Variants in RYR3 observed in about 807,000 individuals in gnomAD.
RYR3 encodes the protein brain ryanodine receptor-calcium release channel.
In RYR3, 207 loss-of-function variants were observed where a neutral mutation model predicts 584.3. The ratio of observed to expected loss-of-function variants is 0.35; its 90% CI spans 0.32 to 0.40. The LOEUF (loss-of-function observed/expected upper bound fraction) is 0.40, where lower values mean the gene tolerates loss of function less well. Ranked by LOEUF, RYR3 falls within the 10% of genes least tolerant of loss-of-function variation. The pLI is 1.00. For missense variants in RYR3, 5,616 were observed against 6,089.2 expected, an observed-to-expected ratio of 0.92 and a Z score of 2.59; for synonymous variants, 2,416 against 2,248.5, an observed-to-expected ratio of 1.07 and a Z score of -2.11.
intron 1 of RYR3, among the ~76,000 whole-genome samples, chr15:33,418,903 A>T (rs1040238850): frequency 2.0e-5 from 3 of 152,158 alleles, no homozygotes; most frequent in African/African-American, 2.4e-5. Flanking sequence ...TTAAGGAATT[A>T]GTGGAAGCAA....
At chr15:33,327,752 C>T (rs1358325145) in intron 1 of RYR3, among the ~76,000 whole-genome samples, 1 of 152,128 alleles carries the variant, frequency 6.6e-6, no homozygotes, top group East Asian at 1.9e-4. Flanking sequence ...ATCTCTCTCT[C>T]TTCCTTTCTT....
chr15:33,612,577 C>T (rs142068620), intron 18 of RYR3, among the ~76,000 whole-genome samples: 1,956 of 152,164 alleles, frequency 0.013, 46 homozygotes, highest in African/African-American at 0.044. Flanking sequence ...TCAGGCTGGT[C>T]TCGAACTCCT....
chr15:33,452,137 G>T (rs1425544639), intron 1 of RYR3, among the ~76,000 whole-genome samples: 1 of 152,204 alleles, frequency 6.6e-6, no homozygotes, highest in South Asian at 2.1e-4. Flanking sequence ...CAAAGGCTGC[G>T]ATCCAGCCTT....
chr15:33,466,087 G>A (rs910890589), intron 1 of RYR3, among the ~76,000 whole-genome samples: 1 of 152,220 alleles, frequency 6.6e-6, no homozygotes, highest in African/African-American at 2.4e-5. Context: ...GGAAACACAA[G>A]TCGAGTTCAG....
intron 2 of RYR3, among the ~76,000 whole-genome samples, chr15:33,489,986 T>G (rs1483400745): frequency 6.6e-6 from 1 of 152,230 alleles, no homozygotes; most frequent in Admixed American, 6.5e-5. Flanking sequence ...CTCTATGAAC[T>G]GAACCATTTT....
At chr15:33,861,712 T>C (rs958825741) in intron 102 of RYR3, among the ~76,000 whole-genome samples, 6 of 152,212 alleles carry the variant, frequency 3.9e-5, no homozygotes, top group Non-Finnish European at 7.3e-5. Flanking sequence ...TGTTGCTAAA[T>C]TCTGTGTTCA....
intron 17 of RYR3, 31 bp from the exon 18 acceptor site, chr15:33,603,092 G>A (rs757145383): frequency 1.2e-6 from 2 of 1,611,634 alleles, no homozygotes; most frequent in East Asian, 4.5e-5. Context: ...TTAAGGGTGT[G>A]TAGATGCCAC....
rs561590285 is a variant in RYR3 at position 33,726,256 on chromosome 15, G to C, written c.6913-130G>C. 657 of 963,576 alleles carry C rather than the reference G, an allele frequency of 6.8e-4. 9 individuals are homozygous for C. The South Asian group carries it at 9.7e-3, about 14-fold the overall frequency. The allele number at this position is 963,576 out of a possible 1,614,324, so 59.7% of individuals were successfully genotyped here. A position where few individuals can be genotyped will look rare whatever the true frequency, so the allele number is the denominator to read the frequency against. The stretch of plus-strand genomic sequence containing the variant: ...TCTTTCCCTGTGGCCACAAGTGTCT[G>C]TAGCAATTAGGGAAACATAGAAATG... On this transcript the variant is annotated intron_variant, in intron 45 of 103. Transcript: ENST00000634891.
Position 33,791,587 on chromosome 15 carries a change from G to A in RYR3, c.9830+3129G>A, listed in dbSNP as rs115179489. On this transcript the variant is annotated intron_variant, in intron 67 of 103. Transcript: ENST00000634891. Reference sequence around the variant, plus strand: ...AGAATAGATGCACCAGGGAGATGCGGGGTGATTACCCGGTAGCATTAAGAG... The same window carrying A: ...AGAATAGATGCACCAGGGAGATGCGAGGTGATTACCCGGTAGCATTAAGAG... Among the ~76,000 whole-genome samples the A allele has an allele frequency of 3.9e-3, 590 of 152,236 alleles. 4 individuals are homozygous for A. The highest frequency in any genetic ancestry group is 0.014 in the African/African-American group (570 of 41,520).
intron 1 of RYR3, among the ~76,000 whole-genome samples, chr15:33,398,415 G>A (rs2042427472): frequency 6.6e-6 from 1 of 152,200 alleles, no homozygotes; most frequent in African/African-American, 2.4e-5. Context: ...TGGGGAAAGT[G>A]AATGGTGTTC....
chr15:33,640,625 C>G (rs907220536), intron 27 of RYR3, among the ~76,000 whole-genome samples: 1 of 152,190 alleles, frequency 6.6e-6, no homozygotes, highest in Admixed American at 6.5e-5. Context: ...GATTACCCCC[C>G]TGCTCTCCCT....
intron 64 of RYR3, among the ~76,000 whole-genome samples, chr15:33,779,914 G>A (rs1363825694): frequency 6.6e-6 from 1 of 152,206 alleles, no homozygotes; most frequent in African/African-American, 2.4e-5. Context: ...GGGAGGCTGA[G>A]GCAGGAGAAT....
chr15:33,825,723 CTTTTT>C, intron 82 of RYR3, 47 bp downstream of exon 82: 2 of 472,612 alleles, frequency 4.2e-6, no homozygotes, highest in South Asian at 2.5e-5. Flanking sequence ...TGATTAAAAT[CTTTTT>C]TTTTTTTTTT....
At position 33,781,628 on chromosome 15, in the gene RYR3, A is replaced by G. The variant is rs147255297; in HGVS notation, c.9268+1287A>G. 4.2e-3 allele frequency among the ~76,000 whole-genome samples: 634 copies of G among 152,256 alleles called. 1 individual carries two copies. The highest frequency in any genetic ancestry group is 0.01 in the South Asian group (49 of 4,824). ...TTGTTACTTCAGGTAAGAGGAGCACATTGCCCCCCAGAAATGATCACCAGG... is the reference window on the plus strand; with the variant it reads ...TTGTTACTTCAGGTAAGAGGAGCACGTTGCCCCCCAGAAATGATCACCAGG... On this transcript the variant is annotated intron_variant, in intron 65 of 103. Coordinates refer to ENST00000634891, the MANE Select transcript of RYR3 (RefSeq NM_001036.6).
At position 33,394,613 on chromosome 15, in the gene RYR3, T is replaced by C. The variant is rs1381065424; in HGVS notation, c.52-78806T>C. ...TGAAGTGTTATCCTGTGAAAAGAAC[T>C]GTAATTTCAGGGGAAGAATTCTTTC... is the stretch of plus-strand genomic sequence containing the variant. On this transcript the variant is annotated intron_variant, in intron 1 of 103. Coordinates refer to ENST00000634891, the MANE Select transcript of RYR3 (RefSeq NM_001036.6). 2.0e-5 allele frequency among the ~76,000 whole-genome samples: 3 copies of C among 152,346 alleles called. No individual in the cohort carries two copies. In the East Asian group the frequency reaches 5.8e-4, roughly 29 times the overall value.
Position 33,633,028 on chromosome 15 carries a change from G to C in RYR3, c.2947G>C (p.Val983Leu). The change falls in exon 24 of 104, where the codon GTG (valine) becomes CTG (leucine). Residue 983 changes from valine (V) to leucine (L), a missense_variant. This residue lies in a region of RYR3 where 1,284 missense variants were observed against 1,344.6 expected (regional missense o/e 0.95). Transcript: ENST00000634891. ...VKLLPPQEIL[V>L]DKLAENAHNV... ...GCTGTTACCTCCTCAAGAAATTTTAGTGGATAAGCTTGCAGAAAATGCACA... is the reference window on the plus strand; with the variant it reads ...GCTGTTACCTCCTCAAGAAATTTTACTGGATAAGCTTGCAGAAAATGCACA... The C allele has an allele frequency of 6.2e-7, 1 of 1,613,998 alleles. No homozygotes were observed. The highest frequency in any genetic ancestry group is 8.5e-7 in the Non-Finnish European group (1 of 1,179,876).
intron 1 of RYR3, among the ~76,000 whole-genome samples, chr15:33,347,679 C>A (rs1207312799): frequency 1.3e-5 from 2 of 152,114 alleles, no homozygotes; most frequent in Non-Finnish European, 2.9e-5. Flanking sequence ...GATCTCCTGA[C>A]CTCGTGATCC....
Position 33,838,147 on chromosome 15 carries a change from G to A in RYR3, c.12167G>A (p.Trp4056Ter), listed in dbSNP as rs779842616. 1 of 1,613,976 alleles carries A rather than the reference G, an allele frequency of 6.2e-7. No individual in the cohort carries two copies. Residue 4056 changes from tryptophan to a stop codon, truncating the protein, a stop_gained, in exon 89 of 104, where the codon TGG (tryptophan) becomes TAG (stop). Coordinates refer to ENST00000634891, the MANE Select transcript of RYR3 (RefSeq NM_001036.6). LOFTEE classifies it high-confidence loss of function. The stretch of plus-strand genomic sequence containing the variant: ...ATCAGTGAATCCAGTCGCACTCAGT[G>A]GGAGAAGCCCCAGGTGAAGGAATCT... ...FEISESSRTQ[W>*]EKPQVKESKR...
chr15:33,490,397 A>G lies in RYR3; in HGVS notation c.172-13234A>G, dbSNP rs28622262. ...ATGAAGGATCTTTGCTCTAAGCCCT[A>G]CTTTAATACTTCACTGTACATCCCA... On this transcript the variant is annotated intron_variant, in intron 2 of 103. Coordinates refer to ENST00000634891, the MANE Select transcript of RYR3 (RefSeq NM_001036.6). 1.9e-3 allele frequency among the ~76,000 whole-genome samples: 290 copies of G among 152,262 alleles called. 1 individual carries two copies. The highest frequency in any genetic ancestry group is 6.5e-3 in the African/African-American group (271 of 41,556).
Sources: gnomAD v4.1 joint callset for allele counts (sites outside exome capture counted in the v4.1 genomes callset) on GRCh38, gnomAD v4.1.1 for gene constraint, gnomAD v4.1.1 regional missense constraint, MANE v1.5 for transcripts, NCBI Gene and HGNC (gene_info 2026-07-23, HGNC 2026-07-21) for gene names.